RTF2: variants seen among roughly 807,000 people sequenced by gnomAD.
RTF2 encodes UPF0549 protein C20orf43.
Under a neutral mutation model 38.0 loss-of-function variants are expected in RTF2, and 18 were observed. That is an observed-to-expected ratio of 0.47 (90% CI 0.33 to 0.70). The LOEUF is 0.70. RTF2 is among the 30% of genes least tolerant of loss of function. RTF2 has a pLI of 0.02. For missense variants in RTF2, 311 were observed against 379.6 expected, an observed-to-expected ratio of 0.82 and a Z score of 1.50; for synonymous variants, 126 against 137.1, an observed-to-expected ratio of 0.92 and a Z score of 0.57.
At chr20:56,476,923 G>A in intron 3 of RTF2, 62 bp from the exon 4 acceptor site, 2 of 1,556,644 alleles carry the variant, frequency 1.3e-6, no homozygotes, top group Non-Finnish European at 1.8e-6. Context: ...GACTTACGTG[G>A]TTAAGGCAAA....
chr20:56,516,733 G>A (rs547481530), intron 6 of RTF2: 1 of 613,404 alleles, frequency 1.6e-6, no homozygotes, highest in Admixed American at 3.0e-5. Context: ...GTGTGAGGCA[G>A]AAGTGCATGA....
At position 56,476,018 on chromosome 20, in the gene RTF2, G is replaced by C. The variant is rs554309880; in HGVS notation, c.259-967G>C. On this transcript the variant is annotated intron_variant, in intron 3 of 8. Coordinates refer to ENST00000357348, the MANE Select transcript of RTF2 (RefSeq NM_016407.5). ...GTATGAATGGTGATTTGCCTTTCAA[G>C]ACACTCACCTGCTCTCTAGAGTATT... 3.9e-5 allele frequency among the ~76,000 whole-genome samples: 6 copies of C among 152,322 alleles called. No homozygotes were observed. The East Asian group carries it at 1.2e-3, about 29-fold the overall frequency.
Position 56,495,094 on chromosome 20 carries a change from A to G in RTF2, c.477+10905A>G, listed in dbSNP as rs1983426403. On this transcript the variant is annotated intron_variant, in intron 5 of 8. Transcript: ENST00000357348. ...CTAATTGGATCATCACTAATTCCAGATTACTTTAAACATGATCCTCCGTCT... is the reference window on the plus strand; with the variant it reads ...CTAATTGGATCATCACTAATTCCAGGTTACTTTAAACATGATCCTCCGTCT... 8 of 770,254 alleles carry G rather than the reference A, an allele frequency of 1.0e-5. 1 individual carries two copies. The South Asian group carries it at 1.2e-4, about 11-fold the overall frequency. The allele number at this position is 770,254 out of a possible 1,614,324, so 47.7% of individuals were successfully genotyped here.
chr20:56,491,667 A>G lies in RTF2; in HGVS notation c.477+7478A>G, dbSNP rs369896057. On this transcript the variant is annotated intron_variant, in intron 5 of 8. Coordinates refer to ENST00000357348, the MANE Select transcript of RTF2 (RefSeq NM_016407.5). ...TGAAGTCTGTGCCGCCGCTCTAAGCAGGTAACCACAAGCGGGTCTGTCGAG... is the reference window on the plus strand; with the variant it reads ...TGAAGTCTGTGCCGCCGCTCTAAGCGGGTAACCACAAGCGGGTCTGTCGAG... 268 of 1,552,216 alleles carry G rather than the reference A, an allele frequency of 1.7e-4. No homozygotes were observed. In the African/African-American group the frequency reaches 3.3e-3, roughly 19 times the overall value.
intron 6 of RTF2, among the ~76,000 whole-genome samples, chr20:56,514,660 G>A (rs546754603): frequency 7.9e-5 from 12 of 152,294 alleles, no homozygotes; most frequent in African/African-American, 2.9e-4. Flanking sequence ...CGAGGCTTGA[G>A]CACATGGTAG....
At chr20:56,483,531 G>A (rs1194616184) in intron 4 of RTF2, among the ~76,000 whole-genome samples, 2 of 151,980 alleles carry the variant, frequency 1.3e-5, no homozygotes, top group African/African-American at 4.8e-5. Context: ...TTCTCAGTAT[G>A]TTGCCCAGGC....
At chr20:56,472,137 T>C (rs1982003111) in intron 1 of RTF2, among the ~76,000 whole-genome samples, 1 of 152,206 alleles carries the variant, frequency 6.6e-6, no homozygotes, top group Admixed American at 6.5e-5. Flanking sequence ...GGAGGATTGC[T>C]TGAGCCCAGG....
At chr20:56,484,067 C>T (rs1461809428) in intron 4 of RTF2, 44 bp from the exon 5 acceptor site, 3 of 1,510,304 alleles carry the variant, frequency 2.0e-6, no homozygotes, top group African/African-American at 1.4e-5. Context: ...GTGAATTGAT[C>T]ATGTGATTAA....
chr20:56,507,744 C>T (rs567950797), intron 5 of RTF2, among the ~76,000 whole-genome samples: 4 of 152,272 alleles, frequency 2.6e-5, no homozygotes, highest in South Asian at 2.1e-4. Flanking sequence ...AGGGAGCAGA[C>T]GCTGGGTTCC....
At chr20:56,517,450 G>T (rs1387582593) in intron 8 of RTF2, among the ~76,000 whole-genome samples, 1 of 152,132 alleles carries the variant, frequency 6.6e-6, no homozygotes, top group Non-Finnish European at 1.5e-5. Context: ...TCGAGTAAGT[G>T]CTTGGTGCCA....
At chr20:56,500,603 G>T (rs528189177) in intron 5 of RTF2, among the ~76,000 whole-genome samples, 1 of 152,326 alleles carries the variant, frequency 6.6e-6, no homozygotes, top group East Asian at 1.9e-4. Context: ...GACATGGCCA[G>T]TTCAGTGTTA....
At chr20:56,517,374 C>A (rs1296368153) in intron 8 of RTF2, among the ~76,000 whole-genome samples, 173 bp downstream of exon 8, 1 of 152,174 alleles carries the variant, frequency 6.6e-6, no homozygotes, top group Non-Finnish European at 1.5e-5. Context: ...ATTGAACACA[C>A]CCTCATCAGG....
intron 4 of RTF2, among the ~76,000 whole-genome samples, chr20:56,482,349 A>G (rs1306980806): frequency 6.6e-6 from 1 of 152,244 alleles, no homozygotes; most frequent in African/African-American, 2.4e-5. Context: ...TACAATATAA[A>G]TGCTGTGTAA....
At chr20:56,491,932 G>GA in intron 5 of RTF2, 1 of 627,600 alleles carries the variant, frequency 1.6e-6, no homozygotes, top group Admixed American at 2.9e-5. Flanking sequence ...TGATTGCCTT[G>GA]ACAGGGGCTT....
intron 5 of RTF2, among the ~76,000 whole-genome samples, chr20:56,492,329 C>T (rs1291488026): frequency 1.3e-5 from 2 of 151,326 alleles, no homozygotes; most frequent in East Asian, 2.0e-4. Flanking sequence ...CTTCCCACCT[C>T]GGCCTCCCAA....
At chr20:56,516,751 C>A in intron 6 of RTF2, 184 bp from the exon 7 acceptor site, 1 of 643,550 alleles carries the variant, frequency 1.6e-6, no homozygotes. Flanking sequence ...TGACTGGTGT[C>A]ACATGCAGAG....
chr20:56,489,456 C>T (rs550701752), intron 5 of RTF2, among the ~76,000 whole-genome samples: 12 of 152,258 alleles, frequency 7.9e-5, no homozygotes, highest in East Asian at 1.9e-4. Flanking sequence ...CTTTGTGTGA[C>T]GTAAGGTCAT....
Position 56,518,067 on chromosome 20 carries a change from T to G in RTF2, c.743-20T>G, listed in dbSNP as rs766391816. 1.9e-6 allele frequency: 3 copies of G among 1,597,958 alleles called. No homozygotes were observed. In the South Asian group the frequency reaches 3.4e-5, roughly 18 times the overall value. On this transcript the variant is annotated intron_variant, in intron 8 of 8. Transcript: ENST00000357348. ...CATCTTTATCCCAACCCTGACAGTT[T>G]TGGCTCTTCATTTTTCTAGCAATGA...
intron 4 of RTF2, among the ~76,000 whole-genome samples, chr20:56,479,539 C>T (rs1372900552): frequency 1.3e-5 from 2 of 152,276 alleles, no homozygotes; most frequent in East Asian, 3.9e-4. Context: ...CACAGATGTT[C>T]TTAATGACAT....
Sources: gnomAD v4.1 joint callset for allele counts (sites outside exome capture counted in the v4.1 genomes callset) on GRCh38, gnomAD v4.1.1 for gene constraint, MANE v1.5 for transcripts, NCBI Gene and HGNC (gene_info 2026-07-23, HGNC 2026-07-21) for gene names.